Variants in SOCS5 observed in about 807,000 individuals in gnomAD.
SOCS5 encodes suppressor of cytokine signaling 5.
SOCS5 carries 32 observed loss-of-function variants against 42.8 expected under a neutral mutation model. The observed-to-expected ratio is 0.75, with a 90% CI of 0.56 to 1.01. SOCS5 has a LOEUF of 1.01. SOCS5 is among the 50% of genes least tolerant of loss of function. The pLI, the probability that SOCS5 is intolerant of heterozygous loss-of-function variation, is 0.00. For synonymous variants in SOCS5, 283 were observed against 229.6 expected (o/e 1.23, Z -2.10); for missense variants, 627 against 653.0 (o/e 0.96, Z 0.43).
intron 1 of SOCS5, among the ~76,000 whole-genome samples, chr2:46,712,914 A>G (rs1672661091): frequency 6.6e-6 from 1 of 152,078 alleles, no homozygotes; most frequent in South Asian, 2.1e-4. Context: ...TTTTTTATGA[A>G]TTAGGAGGTG....
chr2:46,708,612 A>G (rs1471794363), intron 1 of SOCS5, among the ~76,000 whole-genome samples: 1 of 152,184 alleles, frequency 6.6e-6, no homozygotes, highest in Admixed American at 6.5e-5. Context: ...ATATTTACCT[A>G]TTACCCATTG....
At position 46,730,432 on chromosome 2, in the gene SOCS5, C is replaced by G. The variant is rs1260934935; in HGVS notation, c.-12-28087C>G. Among the ~76,000 whole-genome samples the G allele has an allele frequency of 2.6e-5, 4 of 151,842 alleles. 1 individual carries two copies. Among genetic ancestry groups the G allele is most frequent in the Admixed American group, 2.0e-4 (3 of 15,228 alleles). On this transcript the variant is annotated intron_variant, in intron 1 of 1. Coordinates refer to ENST00000394861, the MANE Select transcript of SOCS5 (RefSeq NM_144949.3). ...CCTGGCCAACATGGTGAAACCCCGT[C>G]TCTACTAAAAATACAAAATTAGCCA...
intron 1 of SOCS5, among the ~76,000 whole-genome samples, chr2:46,738,977 A>T (rs1271803751): frequency 6.6e-6 from 1 of 152,240 alleles, no homozygotes; most frequent in Non-Finnish European, 1.5e-5. Context: ...GAATAATGTC[A>T]TATCAATGAG....
At chr2:46,746,586 G>A (rs1295306554) in intron 1 of SOCS5, among the ~76,000 whole-genome samples, 1 of 151,910 alleles carries the variant, frequency 6.6e-6, no homozygotes, top group Non-Finnish European at 1.5e-5. Context: ...GAGAGGTAGA[G>A]GTTGCAGTGA....
At chr2:46,728,712 T>C (rs1254559104) in intron 1 of SOCS5, among the ~76,000 whole-genome samples, 1 of 152,166 alleles carries the variant, frequency 6.6e-6, no homozygotes, top group African/African-American at 2.4e-5. Flanking sequence ...TGTGCCACCA[T>C]GCCCGGCTAA....
chr2:46,716,402 T>C (rs982189974), intron 1 of SOCS5, among the ~76,000 whole-genome samples: 1 of 115,298 alleles, frequency 8.7e-6, no homozygotes, highest in African/African-American at 3.2e-5. Context: ...TTTTTGCATA[T>C]AGTGTTTCTT....
At chr2:46,741,743 T>C (rs963985503) in intron 1 of SOCS5, among the ~76,000 whole-genome samples, 4 of 152,220 alleles carry the variant, frequency 2.6e-5, no homozygotes, top group African/African-American at 9.6e-5. Context: ...ATGTCTATTA[T>C]TTCAGCATGT....
At chr2:46,714,805 T>C (rs1195452494) in intron 1 of SOCS5, among the ~76,000 whole-genome samples, 2 of 152,244 alleles carry the variant, frequency 1.3e-5, no homozygotes, top group Non-Finnish European at 2.9e-5. Flanking sequence ...GTGTTGTTTC[T>C]TTTTTCCTTG....
At position 46,758,879 on chromosome 2, in the gene SOCS5, C is replaced by T; in HGVS notation, c.349C>T (p.His117Tyr). The T allele has an allele frequency of 6.2e-7, 1 of 1,614,040 alleles. No homozygotes were observed. Among genetic ancestry groups the T allele is most frequent in the Non-Finnish European group, 8.5e-7 (1 of 1,179,896 alleles). The part of the protein sequence containing the change: ...RLARRDSYSR[H>Y]APWGGKKKHS... Reference sequence around the variant, plus strand: ...TGCACGAAGAGATTCCTACTCTCGACATGCTCCATGGGGTGGGAAGAAAAA... The same window carrying T: ...TGCACGAAGAGATTCCTACTCTCGATATGCTCCATGGGGTGGGAAGAAAAA... Residue 117 changes from histidine to tyrosine, a missense_variant, in exon 2 of 2, where the codon CAT (histidine) becomes TAT (tyrosine). Coordinates refer to ENST00000394861, the MANE Select transcript of SOCS5 (RefSeq NM_144949.3).
chr2:46,712,739 T>A (rs1672655770), intron 1 of SOCS5, among the ~76,000 whole-genome samples: 1 of 152,256 alleles, frequency 6.6e-6, no homozygotes, highest in South Asian at 2.1e-4. Flanking sequence ...TGATTGGTAT[T>A]TGATTATTAA....
chr2:46,699,053 C>T (rs1024705534), upstream of SOCS5: 7 of 152,500 alleles, frequency 4.6e-5, no homozygotes, highest in Admixed American at 1.3e-4. This position sits in a 1 kb window ranked among gnomAD's most constrained non-coding sequence, Gnocchi z 4.8. Context: ...CACCTACCCG[C>T]CTCCGGATTG....
intron 1 of SOCS5, among the ~76,000 whole-genome samples, chr2:46,709,299 A>G (rs1672563053): frequency 2.0e-5 from 3 of 152,214 alleles, no homozygotes; most frequent in Admixed American, 1.3e-4. Context: ...AGAGGCTGTA[A>G]TCTTTTCAGT....
At chr2:46,718,354 A>G (rs1431210469) in intron 1 of SOCS5, among the ~76,000 whole-genome samples, 1 of 152,160 alleles carries the variant, frequency 6.6e-6, no homozygotes, top group African/African-American at 2.4e-5. Flanking sequence ...AACTCTTTAC[A>G]GTTTTTGGTA....
chr2:46,711,246 A>G (rs12998753), intron 1 of SOCS5, among the ~76,000 whole-genome samples: 41,486 of 151,842 alleles, frequency 0.27, 6,741 homozygotes, highest in Non-Finnish European at 0.37. Flanking sequence ...AATTTCTGAG[A>G]TAGTTTTACC....
intron 1 of SOCS5, among the ~76,000 whole-genome samples, chr2:46,707,288 C>A (rs1572828425): frequency 2.0e-5 from 3 of 152,284 alleles, no homozygotes; most frequent in Admixed American, 2.0e-4. Flanking sequence ...ACGTTTTAAT[C>A]ATTTTCATTT....
intron 1 of SOCS5, among the ~76,000 whole-genome samples, chr2:46,732,995 G>A (rs958715516): frequency 1.3e-5 from 2 of 151,964 alleles, no homozygotes; most frequent in African/African-American, 2.4e-5. Context: ...CATAATTGGA[G>A]AGATTTTAAC....
At chr2:46,747,827 C>T (rs560717893) in intron 1 of SOCS5, among the ~76,000 whole-genome samples, 7 of 152,198 alleles carry the variant, frequency 4.6e-5, no homozygotes, top group East Asian at 1.9e-4. Flanking sequence ...TGAACTTTAT[C>T]GTCATATTGT....
Position 46,699,900 on chromosome 2 carries a change from C to G in SOCS5, c.-13+451C>G, listed in dbSNP as rs1489544588. On this transcript the variant is annotated intron_variant, in intron 1 of 1. Coordinates refer to ENST00000394861, the MANE Select transcript of SOCS5 (RefSeq NM_144949.3). The surrounding 1 kb of genome is among the most constrained non-coding windows in gnomAD (Gnocchi z 4.8). ...CAAGTCACTTGGGGCTCCAAGAGCC[C>G]GATCTGGGGGTCTTCAAGGTCGAGG... Among the ~76,000 whole-genome samples, 1 of 151,858 alleles carries G rather than the reference C, an allele frequency of 6.6e-6. No individual in the cohort carries two copies. Among genetic ancestry groups the G allele is most frequent in the Non-Finnish European group, 1.5e-5 (1 of 67,968 alleles).
chr2:46,754,481 C>A (rs188453263), intron 1 of SOCS5, among the ~76,000 whole-genome samples: 3 of 152,060 alleles, frequency 2.0e-5, no homozygotes, highest in Non-Finnish European at 4.4e-5. Context: ...AATTAAATCA[C>A]ATAGTTACAC....
Sources: allele counts gnomAD v4.1 joint callset (sites outside exome capture counted in the v4.1 genomes callset), GRCh38; gene constraint gnomAD v4.1.1; non-coding constraint Gnocchi (gnomAD v3.1); transcripts MANE v1.5; gene names NCBI Gene and HGNC (gene_info 2026-07-23, HGNC 2026-07-21).